The following SLC16A7 variants were observed in gnomAD, a reference collection of about 807,000 sequenced individuals.
SLC16A7 encodes solute carrier family 16 member 7, also known as monocarboxylate transporter 2.
In SLC16A7, 33 loss-of-function variants were observed where a neutral mutation model predicts 34.9. That is an observed-to-expected ratio of 0.94 (90% confidence interval 0.72 to 1.26). The LOEUF is 1.26. Ranked by LOEUF, SLC16A7 falls within the 50% of genes most tolerant of loss-of-function variation. The pLI, the probability that SLC16A7 is intolerant of heterozygous loss-of-function variation, is 0.00. For synonymous variants in SLC16A7, 201 were observed against 206.6 expected, an observed-to-expected ratio of 0.97 and a Z score of 0.23; for missense variants, 573 against 578.1, an observed-to-expected ratio of 0.99 and a Z score of 0.09.
chr12:59,770,737 G>T (rs955422518), intron 3 of SLC16A7, among the ~76,000 whole-genome samples: 1 of 151,988 alleles, frequency 6.6e-6, no homozygotes, highest in African/African-American at 2.4e-5. Flanking sequence ...TAGTATTAAA[G>T]AAAAATCACT....
At chr12:59,656,422 C>A (rs1868538961) in intron 2 of SLC16A7, among the ~76,000 whole-genome samples, 1 of 151,892 alleles carries the variant, frequency 6.6e-6, no homozygotes, top group African/African-American at 2.4e-5. Flanking sequence ...GATGCTCAGT[C>A]CAACCTTGAC....
At chr12:59,756,443 G>A (rs946811621) in intron 3 of SLC16A7, among the ~76,000 whole-genome samples, 83 of 151,724 alleles carry the variant, frequency 5.5e-4, no homozygotes, top group Non-Finnish European at 7.6e-4. Context: ...AAAAGTGGAC[G>A]AAGGACATGA....
chr12:59,761,306 G>C, intron 3 of SLC16A7: 1 of 402,986 alleles, frequency 2.5e-6, no homozygotes, highest in Non-Finnish European at 4.3e-6. Context: ...CTGATGGTTA[G>C]GTTTCTAACT....
At chr12:59,703,707 G>T (rs1186846918) in intron 2 of SLC16A7, among the ~76,000 whole-genome samples, 1 of 152,040 alleles carries the variant, frequency 6.6e-6, no homozygotes, top group African/African-American at 2.4e-5. Flanking sequence ...GAACTACTGG[G>T]TGAGTATAGT....
chr12:59,771,527 A>G (rs575133189), intron 4 of SLC16A7, among the ~76,000 whole-genome samples, 165 bp downstream of exon 4: 10 of 152,262 alleles, frequency 6.6e-5, no homozygotes, highest in Admixed American at 5.2e-4. Context: ...AAGCTATATA[A>G]TGGGCAAACA....
intron 2 of SLC16A7, among the ~76,000 whole-genome samples, chr12:59,660,505 T>C (rs1158506246): frequency 2.9e-5 from 4 of 138,328 alleles, no homozygotes; most frequent in African/African-American, 8.1e-5. Context: ...TAACTTAAAA[T>C]CCCAGCCTGG....
At chr12:59,692,034 A>G (rs1199988313) in intron 2 of SLC16A7, among the ~76,000 whole-genome samples, 2 of 151,988 alleles carry the variant, frequency 1.3e-5, no homozygotes, top group East Asian at 3.9e-4. Context: ...TTACATTTCT[A>G]GACATCAAGG....
At chr12:59,777,002 C>G (rs906397312) in intron 5 of SLC16A7, among the ~76,000 whole-genome samples, 4 of 151,952 alleles carry the variant, frequency 2.6e-5, no homozygotes, top group African/African-American at 9.7e-5. Context: ...TTAGTGTAAA[C>G]AGAGAAGTTA....
chr12:59,642,044 TA>T (rs1565628664), intron 1 of SLC16A7, among the ~76,000 whole-genome samples: 1 of 152,094 alleles, frequency 6.6e-6, no homozygotes, highest in Non-Finnish European at 1.5e-5. Flanking sequence ...TAAAAAATTA[TA>T]ATGCTAATTC....
chr12:59,619,775 G>C (rs554871343), intron 1 of SLC16A7, among the ~76,000 whole-genome samples: 1 of 151,858 alleles, frequency 6.6e-6, no homozygotes, highest in Non-Finnish European at 1.5e-5. Context: ...AGAAGAATGG[G>C]ACATATGTTC....
chr12:59,698,380 A>G (rs530024425), intron 2 of SLC16A7, among the ~76,000 whole-genome samples: 6 of 151,764 alleles, frequency 4.0e-5, no homozygotes, highest in Admixed American at 6.6e-5. Context: ...TTGAATATAC[A>G]TATATACAGG....
intron 1 of SLC16A7, among the ~76,000 whole-genome samples, chr12:59,641,678 G>A (rs1880693512): frequency 6.6e-6 from 1 of 151,906 alleles, no homozygotes; most frequent in Non-Finnish European, 1.5e-5. Context: ...TTTCTAATTT[G>A]AGGAGAGTTG....
chr12:59,749,402 G>GT (rs1313742898), intron 3 of SLC16A7, among the ~76,000 whole-genome samples: 1 of 152,138 alleles, frequency 6.6e-6, no homozygotes, highest in Non-Finnish European at 1.5e-5. Flanking sequence ...CATACTGGCA[G>GT]TTTTTTTGAT....
intron 1 of SLC16A7, among the ~76,000 whole-genome samples, chr12:59,650,548 A>C (rs1868325172): frequency 6.6e-6 from 1 of 152,122 alleles, no homozygotes; most frequent in African/African-American, 2.4e-5. Context: ...ATTATCAAAG[A>C]GTGATTGAGA....
Position 59,745,026 on chromosome 12 carries a change from G to T in SLC16A7, c.218-26193G>T, listed in dbSNP as rs546462373. On this transcript the variant is annotated intron_variant, in intron 3 of 5. Coordinates refer to ENST00000547379, the MANE Select transcript of SLC16A7 (RefSeq NM_001270623.2). ...AGAGCCTCATCTCATTGAATTGAGA[G>T]GTAGGGTAGACCCTAAGGTTAGTTG... is the stretch of plus-strand genomic sequence containing the variant. Among the ~76,000 whole-genome samples, 41 of 152,226 alleles carry T rather than the reference G, an allele frequency of 2.7e-4. 1 individual carries two copies. In the South Asian group the frequency reaches 7.5e-3, roughly 28 times the overall value.
intron 3 of SLC16A7, among the ~76,000 whole-genome samples, chr12:59,737,777 A>G (rs1273016687): frequency 6.6e-6 from 1 of 152,176 alleles, no homozygotes; most frequent in Non-Finnish European, 1.5e-5. Context: ...GCACAGTTAA[A>G]TTAACTGATA....
chr12:59,739,289 C>A (rs1241735498), intron 3 of SLC16A7, among the ~76,000 whole-genome samples: 2 of 138,620 alleles, frequency 1.4e-5, no homozygotes, highest in Non-Finnish European at 3.1e-5. Context: ...TGAGAATATG[C>A]GGTGTTTGGT....
At chr12:59,614,049 A>C (rs1445063140) in intron 1 of SLC16A7, among the ~76,000 whole-genome samples, 1 of 148,714 alleles carries the variant, frequency 6.7e-6, no homozygotes, top group Non-Finnish European at 1.5e-5. Flanking sequence ...TATTGGAATG[A>C]GAGCCTTTTT....
In SLC16A7 at chr12:59,756,424, AC is replaced by A. The variant is rs553007524; in HGVS notation, c.218-14791del. ...CAAATATACAAGAGAAAAACAAACA[AC>A]CCCATCAAAAAGTGGACGAAGGACA... On this transcript the variant is annotated intron_variant, in intron 3 of 5. Transcript: ENST00000547379. 1.0e-3 allele frequency among the ~76,000 whole-genome samples: 153 copies of A among 151,840 alleles called. 2 individuals carry two copies. Among genetic ancestry groups the A allele is most frequent in the African/African-American group, 3.6e-3 (149 of 41,286 alleles).
Sources: allele counts gnomAD v4.1 joint callset (sites outside exome capture counted in the v4.1 genomes callset), GRCh38; gene constraint gnomAD v4.1.1; transcripts MANE v1.5; gene names NCBI Gene and HGNC (gene_info 2026-07-23, HGNC 2026-07-21).